ADGRV1: variants seen among roughly 807,000 people sequenced by gnomAD.
The protein encoded by ADGRV1 is G-protein coupled receptor 98.
Under a neutral mutation model 596.2 loss-of-function variants are expected in ADGRV1, and 359 were observed. That is an observed-to-expected ratio of 0.60 (90% CI 0.55 to 0.66). ADGRV1 has a LOEUF of 0.66. Ranked by LOEUF, ADGRV1 falls within the 30% of genes least tolerant of loss-of-function variation. The pLI is 0.00. For synonymous variants in ADGRV1, 2,681 were observed against 2,679.2 expected, an observed-to-expected ratio of 1.00 and a Z score of -0.02; for missense variants, 7,274 against 7,575.6, an observed-to-expected ratio of 0.96 and a Z score of 1.48.
intron 6 of ADGRV1, chr5:90,625,452 A>G (rs1296737457): frequency 7.7e-6 from 3 of 388,320 alleles, no homozygotes; most frequent in Non-Finnish European, 1.4e-5. Context: ...GCAACCATAC[A>G]TCATACAAAT....
At chr5:91,120,907 C>A (rs191033680) in intron 87 of ADGRV1, among the ~76,000 whole-genome samples, 1 of 152,240 alleles carries the variant, frequency 6.6e-6, no homozygotes, top group Non-Finnish European at 1.5e-5. Context: ...GGCACTATGG[C>A]TCACGCCTGT....
intron 85 of ADGRV1, chr5:91,031,098 G>A: frequency 7.1e-7 from 1 of 1,405,562 alleles, no homozygotes; most frequent in Non-Finnish European, 9.9e-7. Context: ...TCAGTGTTTT[G>A]GGATCAGCTC....
intron 85 of ADGRV1, among the ~76,000 whole-genome samples, chr5:91,014,237 A>T (rs955773366): frequency 1.4e-4 from 21 of 150,616 alleles, no homozygotes; most frequent in African/African-American, 5.1e-4. Flanking sequence ...CTACTTGATC[A>T]TGGTGGATTG....
intron 83 of ADGRV1, among the ~76,000 whole-genome samples, chr5:90,940,425 T>G (rs1052349215): frequency 1.3e-5 from 2 of 152,236 alleles, no homozygotes; most frequent in African/African-American, 4.8e-5. Flanking sequence ...TGCTGCTGCT[T>G]CTTATTCCAT....
chr5:90,563,286 T>G (rs1436446719), intron 1 of ADGRV1, among the ~76,000 whole-genome samples: 1 of 152,192 alleles, frequency 6.6e-6, no homozygotes, highest in Non-Finnish European at 1.5e-5. Context: ...ACGAAGTACT[T>G]GGGTTTATAA....
At chr5:90,940,025 A>G (rs1355784400) in intron 83 of ADGRV1, among the ~76,000 whole-genome samples, 1 of 152,236 alleles carries the variant, frequency 6.6e-6, no homozygotes, top group Non-Finnish European at 1.5e-5. Flanking sequence ...TCTCAAGCAT[A>G]TAACTTGGTC....
chr5:90,784,138 T>C (rs1561724115), intron 67 of ADGRV1, 81 bp downstream of exon 67: 1 of 865,928 alleles, frequency 1.2e-6, no homozygotes, highest in Non-Finnish European at 1.8e-6. Flanking sequence ...TGCCCAAGTA[T>C]ATTTCTTTAT....
chr5:90,910,192 A>T, intron 83 of ADGRV1, among the ~76,000 whole-genome samples: 1 of 152,264 alleles, frequency 6.6e-6, no homozygotes, highest in Non-Finnish European at 1.5e-5. Flanking sequence ...CTGCAGGTTG[A>T]AGCTACTACT....
At chr5:90,902,424 T>G (rs1771931838) in intron 83 of ADGRV1, among the ~76,000 whole-genome samples, 1 of 152,166 alleles carries the variant, frequency 6.6e-6, no homozygotes. Flanking sequence ...AGGAAGGGTT[T>G]CCATTAGCTA....
intron 79 of ADGRV1, among the ~76,000 whole-genome samples, chr5:90,851,750 G>A (rs1173548107): frequency 6.6e-6 from 1 of 152,196 alleles, no homozygotes; most frequent in African/African-American, 2.4e-5. Context: ...ATAGGATAAG[G>A]TATCAGGGAA....
intron 84 of ADGRV1, among the ~76,000 whole-genome samples, chr5:90,969,982 A>G (rs1778809618): frequency 6.6e-6 from 1 of 152,196 alleles, no homozygotes; most frequent in South Asian, 2.1e-4. Context: ...TAGCCAAGGG[A>G]AGGGGTGACG....
At position 90,642,846 on chromosome 5, in the gene ADGRV1, GT is replaced by G; in HGVS notation, c.2368-5del. 3 of 1,597,550 alleles carry G rather than the reference GT, an allele frequency of 1.9e-6. No individual in the cohort carries two copies. Among genetic ancestry groups the G allele is most frequent in the Non-Finnish European group, 2.6e-6 (3 of 1,173,446 alleles). Reference sequence around the variant, plus strand: ...AAAGGGTTTCAACTTTTGTGGATTTGTTTTTAAAGGAAGGAGAATCTGTAGA... The same window carrying G: ...AAAGGGTTTCAACTTTTGTGGATTTGTTTTAAAGGAAGGAGAATCTGTAGA... On this transcript the variant is annotated splice_polypyrimidine_tract_variant and intron_variant, in intron 12 of 89. Coordinates refer to ENST00000405460, the MANE Select transcript of ADGRV1 (RefSeq NM_032119.4).
intron 72 of ADGRV1, among the ~76,000 whole-genome samples, chr5:90,806,464 C>CT (rs1161729874): frequency 2.6e-5 from 4 of 152,100 alleles, no homozygotes; most frequent in Non-Finnish European, 2.9e-5. Context: ...TTTTCTAGCC[C>CT]TTTTTTTCCT....
At position 90,674,064 on chromosome 5, in the gene ADGRV1, T is replaced by C; in HGVS notation, c.4940T>C (p.Ile1647Thr). ...LPWQRSEVLN[I>T]YVLDDDIPEL... Reference sequence around the variant, plus strand: ...TATTTATATTTTTAGGTTCTGAATATATATGTTCTTGATGATGATATTCCT... The same window carrying C: ...TATTTATATTTTTAGGTTCTGAATACATATGTTCTTGATGATGATATTCCT... Residue 1647 changes from isoleucine (I) to threonine (T), a missense_variant, in exon 23 of 90, where the codon ATA (isoleucine) becomes ACA (threonine). Physicochemically the swap from Ile to Thr is moderately conservative, Grantham distance 89. Coordinates refer to ENST00000405460, the MANE Select transcript of ADGRV1 (RefSeq NM_032119.4). 6.2e-7 allele frequency: 1 copy of C among 1,609,640 alleles called. No homozygotes were observed.
At chr5:90,638,538 A>AC (rs1766546925) in intron 11 of ADGRV1, among the ~76,000 whole-genome samples, 1 of 111,364 alleles carries the variant, frequency 9.0e-6, no homozygotes, top group African/African-American at 3.9e-5. Context: ...TCTCTCAAAG[A>AC]GTTTTTTTTT....
intron 85 of ADGRV1, among the ~76,000 whole-genome samples, chr5:91,036,355 C>G (rs777465452): frequency 6.6e-6 from 1 of 151,856 alleles, no homozygotes; most frequent in African/African-American, 2.4e-5. Context: ...GTCAGGAGAT[C>G]GAGACCATCC....
At chr5:90,728,648 G>C (rs1283554333) in intron 48 of ADGRV1, 21 bp from the exon 49 acceptor site, 1 of 1,592,666 alleles carries the variant, frequency 6.3e-7, no homozygotes. Context: ...AAAGGGTTTT[G>C]TATTTCAACA....
intron 73 of ADGRV1, among the ~76,000 whole-genome samples, chr5:90,809,293 T>TACACACACACACACACACAC (rs60659185): frequency 0.04 from 5,355 of 134,500 alleles, 191 homozygotes; most frequent in Non-Finnish European, 0.047. Flanking sequence ...CGGGCATAAA[T>TACACACACACACACACACAC]ACACACACAC....
intron 83 of ADGRV1, among the ~76,000 whole-genome samples, chr5:90,946,085 G>A (rs576315176): frequency 2.6e-5 from 4 of 152,146 alleles, no homozygotes; most frequent in East Asian, 1.9e-4. Context: ...AGGAAATGAC[G>A]TTTGAACTGA....
Sources: gnomAD v4.1 joint callset for allele counts (sites outside exome capture counted in the v4.1 genomes callset) on GRCh38, gnomAD v4.1.1 for gene constraint, MANE v1.5 for transcripts, NCBI Gene and HGNC (gene_info 2026-07-23, HGNC 2026-07-21) for gene names.